The following PAPSS2 variants were observed in gnomAD, a reference collection of about 807,000 sequenced individuals.
PAPSS2 encodes 3'-phosphoadenosine 5'-phosphosulfate synthase 2.
PAPSS2 carries 61 observed loss-of-function variants against 66.5 expected under a neutral mutation model. The observed-to-expected ratio is 0.92, with a 90% CI of 0.75 to 1.14. The LOEUF (loss-of-function observed/expected upper bound fraction) is 1.14, where lower values mean the gene tolerates loss of function less well. Ranked by LOEUF, PAPSS2 falls within the 50% of genes most tolerant of loss-of-function variation. PAPSS2 has a pLI of 0.00. For synonymous variants in PAPSS2, 289 were observed against 287.5 expected (o/e 1.01, Z -0.05); for missense variants, 708 against 789.6 (o/e 0.90, Z 1.24).
chr10:87,716,331 A>C (rs767064439), intron 7 of PAPSS2, among the ~76,000 whole-genome samples: 3 of 152,186 alleles, frequency 2.0e-5, no homozygotes, highest in Non-Finnish European at 4.4e-5. Flanking sequence ...GAAATATATT[A>C]AAATGGTTTC....
chr10:87,699,139 G>A (rs1357901617), intron 1 of PAPSS2, among the ~76,000 whole-genome samples: 4 of 152,148 alleles, frequency 2.6e-5, no homozygotes, highest in African/African-American at 4.8e-5. Flanking sequence ...TTTATTCTCC[G>A]AATGATATTT....
At position 87,714,840 on chromosome 10, in the gene PAPSS2, G is replaced by T. The variant is rs751516184; in HGVS notation, c.616G>T (p.Val206Leu). The change falls in exon 5 of 13, where the codon GTA (valine) becomes TTA (leucine). Residue 206 changes from valine (V) to leucine (L), a missense_variant. Coordinates refer to ENST00000456849, the MANE Select transcript of PAPSS2 (RefSeq NM_001015880.2). ...CACAGTGAGTGACTGTGTCCACCAG[G>T]TAGTGGAACTTCTGCAAGAGCAGGT... is the stretch of plus-strand genomic sequence containing the variant. ...LSTVSDCVHQ[V>L]VELLQEQNIV... The T allele has an allele frequency of 3.7e-6, 6 of 1,608,546 alleles. No homozygotes were observed. The highest frequency in any genetic ancestry group is 5.1e-6 in the Non-Finnish European group (6 of 1,174,920).
chr10:87,740,912 A>T (rs1485063944), intron 9 of PAPSS2, among the ~76,000 whole-genome samples: 1 of 152,246 alleles, frequency 6.6e-6, no homozygotes, highest in Non-Finnish European at 1.5e-5. Flanking sequence ...TATATATGTT[A>T]ACAGGCAATA....
chr10:87,745,326 C>A, intron 12 of PAPSS2, 95 bp downstream of exon 12: 2 of 920,846 alleles, frequency 2.2e-6, no homozygotes, highest in Non-Finnish European at 3.5e-6. Flanking sequence ...CAGTGCATTG[C>A]CACATGCTCC....
intron 7 of PAPSS2, among the ~76,000 whole-genome samples, chr10:87,717,253 G>A (rs1853543170): frequency 6.6e-6 from 1 of 152,214 alleles, no homozygotes; most frequent in African/African-American, 2.4e-5. Flanking sequence ...TTGATTTTGA[G>A]CATATGAACA....
intron 3 of PAPSS2, among the ~76,000 whole-genome samples, chr10:87,713,653 G>A (rs113045713): frequency 2.0e-5 from 3 of 152,196 alleles, no homozygotes; most frequent in Non-Finnish European, 2.9e-5. Flanking sequence ...AAAGGATCTA[G>A]TTAAAGAAAA....
intron 7 of PAPSS2, among the ~76,000 whole-genome samples, chr10:87,720,180 G>A (rs952747952): frequency 4.6e-5 from 7 of 152,244 alleles, no homozygotes; most frequent in East Asian, 3.9e-4. Context: ...GCCGCTGCAC[G>A]CAGCCGAAAC....
In PAPSS2 at chr10:87,741,333, T is replaced by G. The variant is rs1354756860; in HGVS notation, c.1185T>G (p.Pro395=). The G allele has an allele frequency of 6.2e-7, 1 of 1,613,728 alleles. No individual in the cohort carries two copies. Among genetic ancestry groups the G allele is most frequent in the Admixed American group, 1.7e-5 (1 of 60,002 alleles). ...NDGLDQYRLT[P]LELKQKCKEM... is the part of the protein sequence containing the mutation. ...GGCTGGACCAATACCGTCTGACACC[T>G]CTGGAGCTCAAACAGAAATGTAAAG... Residue 395 remains proline, a synonymous_variant, in exon 10 of 13, where the codon CCT becomes CCG. Coordinates refer to ENST00000456849, the MANE Select transcript of PAPSS2 (RefSeq NM_001015880.2).
chr10:87,713,312 T>TAAAAAAAAAA lies in PAPSS2; in HGVS notation c.381+15_381+24dup, dbSNP rs367885911. 6.2e-4 allele frequency: 358 copies of TAAAAAAAAAA among 575,062 alleles called. 25 individuals carry two copies. The highest frequency in any genetic ancestry group is 5.0e-3 in the East Asian group (93 of 18,736). The allele number at this position is 575,062 out of a possible 1,614,324, so 35.6% of individuals were successfully genotyped here. A position where few individuals can be genotyped will look rare whatever the true frequency, so the allele number is the denominator to read the frequency against. ...AGCTTTATTTCTCCATTCGCAAAGG[T>TAAAAAAAAAA]AAAAAAAAAAAAAAAAAAAAAAGGC... On this transcript the variant is annotated splice_region_variant and intron_variant, in intron 3 of 12. Coordinates refer to ENST00000456849, the MANE Select transcript of PAPSS2 (RefSeq NM_001015880.2).
intron 10 of PAPSS2, among the ~76,000 whole-genome samples, chr10:87,742,836 T>G (rs1012939564): frequency 6.6e-6 from 1 of 152,234 alleles, no homozygotes; most frequent in Non-Finnish European, 1.5e-5. Context: ...TGAGTTAGGC[T>G]GTCCCTAAGC....
chr10:87,661,855 T>G (rs1229586619), intron 1 of PAPSS2, among the ~76,000 whole-genome samples: 1 of 152,206 alleles, frequency 6.6e-6, no homozygotes, highest in Non-Finnish European at 1.5e-5. Context: ...CTTTTCTGAA[T>G]TTTGATTTAG....
In PAPSS2 at chr10:87,742,367, C is replaced by T. The variant is rs150158333; in HGVS notation, c.1222+997C>T. Among the ~76,000 whole-genome samples the T allele has an allele frequency of 6.3e-3, 953 of 152,290 alleles. 8 individuals carry two copies. Among genetic ancestry groups the T allele is most frequent in the African/African-American group, 0.022 (897 of 41,558 alleles). ...AGTCTCTGGCAGCACATGCCCCAAACTGCAGATTACAGTGGCTACCTCTTG... is the reference window on the plus strand; with the variant it reads ...AGTCTCTGGCAGCACATGCCCCAAATTGCAGATTACAGTGGCTACCTCTTG... On this transcript the variant is annotated intron_variant, in intron 10 of 12. Coordinates refer to ENST00000456849, the MANE Select transcript of PAPSS2 (RefSeq NM_001015880.2).
intron 1 of PAPSS2, among the ~76,000 whole-genome samples, chr10:87,669,583 A>T (rs1253838861): frequency 6.6e-6 from 1 of 152,244 alleles, no homozygotes; most frequent in Non-Finnish European, 1.5e-5. Flanking sequence ...AAGCCTAGAC[A>T]TTAAAATTCC....
chr10:87,730,633 C>T (rs975128835), intron 9 of PAPSS2, among the ~76,000 whole-genome samples: 55 of 152,184 alleles, frequency 3.6e-4, no homozygotes, highest in African/African-American at 1.3e-3. Flanking sequence ...ATTTTCCAGC[C>T]CTTTTGAATA....
chr10:87,715,102 A>G lies in PAPSS2; in HGVS notation c.753+4A>G. The stretch of plus-strand genomic sequence containing the variant: ...CCCTTCATTATCAATTACTAAGGTA[A>G]GTGGGTGCAGACTGGTCAAATAATT... On this transcript the variant is annotated splice_donor_region_variant and intron_variant, in intron 6 of 12. Coordinates refer to ENST00000456849, the MANE Select transcript of PAPSS2 (RefSeq NM_001015880.2). 2 of 1,472,188 alleles carry G rather than the reference A, an allele frequency of 1.4e-6. No individual in the cohort carries two copies. Among genetic ancestry groups the G allele is most frequent in the Non-Finnish European group, 1.9e-6 (2 of 1,050,566 alleles). 91.2% of individuals were successfully genotyped at this position (1,472,188 alleles called of 1,614,324 possible).
At chr10:87,683,090 T>C (rs1425867267) in intron 1 of PAPSS2, among the ~76,000 whole-genome samples, 1 of 127,410 alleles carries the variant, frequency 7.8e-6, no homozygotes, top group African/African-American at 2.8e-5. Context: ...CCTTTTTCTT[T>C]TTTCTTTTTT....
Position 87,715,795 on chromosome 10 carries a change from C to A in PAPSS2, c.817C>A (p.Arg273=). The A allele has an allele frequency of 1.2e-6, 2 of 1,612,964 alleles. No individual in the cohort carries two copies. Among genetic ancestry groups the A allele is most frequent in the Admixed American group, 1.7e-5 (1 of 59,988 alleles). Residue 273 remains arginine (R), a synonymous_variant, in exon 7 of 13, where the codon CGG becomes AGG. Transcript: ENST00000456849. The stretch of plus-strand genomic sequence containing the variant: ...GGCCACTCCCCTCAAAGGTTTCATG[C>A]GGGAGAAGGAGTACTTACAGGTTAT... ...GWATPLKGFM[R]EKEYLQVMHF...
intron 1 of PAPSS2, among the ~76,000 whole-genome samples, chr10:87,701,342 T>C: frequency 1.1e-5 from 1 of 90,960 alleles, no homozygotes; most frequent in Non-Finnish European, 2.1e-5. Flanking sequence ...CTTTCTTTCT[T>C]TCTTTCTTTC....
intron 1 of PAPSS2, among the ~76,000 whole-genome samples, chr10:87,686,341 C>CA (rs1211559805): frequency 0.11 from 6,074 of 57,612 alleles, 443 homozygotes; most frequent in African/African-American, 0.23. Context: ...GGCAACTTTC[C>CA]AAAAAAAAAA....
Sources: gnomAD v4.1 joint callset for allele counts (sites outside exome capture counted in the v4.1 genomes callset) on GRCh38, gnomAD v4.1.1 for gene constraint, MANE v1.5 for transcripts, NCBI Gene and HGNC (gene_info 2026-07-23, HGNC 2026-07-21) for gene names.